EDEM3: variants seen among roughly 807,000 people sequenced by gnomAD.
EDEM3 encodes the protein ER degradation enhancing alpha-mannosidase like protein 3.
In EDEM3, 60 loss-of-function variants were observed where a neutral mutation model predicts 110.2. The ratio of observed to expected loss-of-function variants is 0.54; its 90% CI spans 0.44 to 0.67. The LOEUF is 0.67. EDEM3 is among the 30% of genes least tolerant of loss of function. EDEM3 has a pLI of 0.00. For missense variants in EDEM3, 996 were observed against 1,121.0 expected, an observed-to-expected ratio of 0.89 and a Z score of 1.59; for synonymous variants, 352 against 382.9, an observed-to-expected ratio of 0.92 and a Z score of 0.94.
chr1:184,740,188 G>A (rs1271539234), intron 2 of EDEM3, among the ~76,000 whole-genome samples: 1 of 152,022 alleles, frequency 6.6e-6, no homozygotes, highest in African/African-American at 2.4e-5. Flanking sequence ...ATATTTTGAG[G>A]TTAGAATCGT....
At chr1:184,722,223 G>T (rs1571383717) in intron 8 of EDEM3, among the ~76,000 whole-genome samples, 1 of 151,828 alleles carries the variant, frequency 6.6e-6, no homozygotes, top group African/African-American at 2.4e-5. Flanking sequence ...CATTTCTATT[G>T]TAAGACACAA....
At chr1:184,698,378 G>C (rs1195126710) in intron 19 of EDEM3, among the ~76,000 whole-genome samples, 6 of 151,742 alleles carry the variant, frequency 4.0e-5, no homozygotes, top group Admixed American at 3.9e-4. Context: ...GAAATAATTT[G>C]GACGCCTAAT....
intron 18 of EDEM3, among the ~76,000 whole-genome samples, chr1:184,704,948 T>C (rs1226320854): frequency 2.0e-5 from 3 of 151,878 alleles, no homozygotes. Flanking sequence ...CAGGCACCTG[T>C]AATCCCAGCT....
intron 19 of EDEM3, among the ~76,000 whole-genome samples, chr1:184,699,102 G>C (rs888209437): frequency 6.6e-6 from 1 of 151,714 alleles, no homozygotes; most frequent in Admixed American, 6.6e-5. Flanking sequence ...AAAATACAGA[G>C]AAACAAAATC....
chr1:184,711,426 T>C (rs995524650), intron 15 of EDEM3, among the ~76,000 whole-genome samples: 1 of 152,166 alleles, frequency 6.6e-6, no homozygotes, highest in Admixed American at 6.5e-5. Context: ...AACTATTCCA[T>C]GAAAAATGAG....
At chr1:184,712,742 G>A (rs911008728) in intron 13 of EDEM3, 144 bp from the exon 14 acceptor site, 10 of 547,784 alleles carry the variant, frequency 1.8e-5, no homozygotes, top group Admixed American at 4.1e-5. Flanking sequence ...AATCTACCAG[G>A]GGCAGAATAA....
chr1:184,697,373 A>G (rs1365579589), intron 19 of EDEM3, among the ~76,000 whole-genome samples: 2 of 151,898 alleles, frequency 1.3e-5, no homozygotes, highest in Admixed American at 1.3e-4. Flanking sequence ...ACCAGATACA[A>G]TTAATTTAAA....
intron 2 of EDEM3, among the ~76,000 whole-genome samples, chr1:184,746,366 T>C (rs1056123369): frequency 3.3e-5 from 5 of 152,234 alleles, no homozygotes; most frequent in African/African-American, 1.2e-4. Flanking sequence ...ATGTACTATC[T>C]GGAGAACAAG....
At chr1:184,748,787 A>G (rs2102137289) in intron 2 of EDEM3, among the ~76,000 whole-genome samples, 1 of 152,364 alleles carries the variant, frequency 6.6e-6, no homozygotes. Context: ...AAGCAGAACT[A>G]AAGCTAGTCC....
intron 19 of EDEM3, among the ~76,000 whole-genome samples, chr1:184,700,462 T>G (rs559603317): frequency 1.9e-4 from 29 of 152,140 alleles, no homozygotes; most frequent in African/African-American, 6.5e-4. Flanking sequence ...TGGTACAATA[T>G]GGCCTGATAC....
chr1:184,738,056 T>C (rs1651931336), intron 2 of EDEM3, among the ~76,000 whole-genome samples: 1 of 152,206 alleles, frequency 6.6e-6, no homozygotes, highest in African/African-American at 2.4e-5. Flanking sequence ...AAAATTTTAT[T>C]TATGAACAGG....
chr1:184,716,079 C>T (rs775902924), intron 13 of EDEM3, among the ~76,000 whole-genome samples: 9 of 152,142 alleles, frequency 5.9e-5, no homozygotes, highest in Non-Finnish European at 8.8e-5. Flanking sequence ...TATCACATCC[C>T]AACTTGTGCT....
chr1:184,696,722 T>G (rs1320613422), intron 19 of EDEM3, among the ~76,000 whole-genome samples: 1 of 152,016 alleles, frequency 6.6e-6, no homozygotes, highest in African/African-American at 2.4e-5. Flanking sequence ...GCTGGCTACT[T>G]ACAGCTTATT....
chr1:184,713,281 A>C (rs1329622854), intron 13 of EDEM3, among the ~76,000 whole-genome samples: 1 of 152,146 alleles, frequency 6.6e-6, no homozygotes, highest in Non-Finnish European at 1.5e-5. Context: ...AAAGAAAAAA[A>C]TAGTTACATG....
intron 1 of EDEM3, among the ~76,000 whole-genome samples, chr1:184,751,529 A>T (rs1309608520): frequency 6.6e-6 from 1 of 152,228 alleles, no homozygotes; most frequent in Non-Finnish European, 1.5e-5. Context: ...ATGATGAGCA[A>T]ATTTTAGAAC....
Position 184,726,269 on chromosome 1 carries a change from C to T in EDEM3, c.733G>A (p.Ala245Thr), listed in dbSNP as rs773596173. The change falls in exon 7 of 20, where the codon GCA becomes ACA. Residue 245 changes from alanine (A) to threonine (T), a missense_variant. This residue lies in a region of EDEM3 where 310 missense variants were observed against 394.6 expected (regional missense o/e 0.79). Coordinates refer to ENST00000318130, the MANE Select transcript of EDEM3 (RefSeq NM_025191.4). ...AAAAAGCAAACCTCAAATATTGTTG[C>T]TCCTGTGAATCGACTTAAAGCAGCA... Reference protein sequence around the residue: ...EFAALSRFTGATIFEEYARKA... With the variant: ...EFAALSRFTGTTIFEEYARKA... 3 of 1,613,374 alleles carry T rather than the reference C, an allele frequency of 1.9e-6. No individual in the cohort carries two copies. Among genetic ancestry groups the T allele is most frequent in the Middle Eastern group, 1.7e-4 (1 of 6,060 alleles).
chr1:184,710,962 C>G (rs932839622), intron 15 of EDEM3, among the ~76,000 whole-genome samples: 1 of 152,026 alleles, frequency 6.6e-6, no homozygotes, highest in Admixed American at 6.6e-5. Context: ...TTGCAATGGC[C>G]TAATATAACT....
chr1:184,719,254 C>A lies in EDEM3; in HGVS notation c.1078-9G>T. 1 of 1,545,782 alleles carries A rather than the reference C, an allele frequency of 6.5e-7. No individual in the cohort carries two copies. The stretch of plus-strand genomic sequence containing the variant: ...ATATCCCCCTTTAACACCTAGAAAT[C>A]AACAACAATAAAATTACCTAATAAA... On this transcript the variant is annotated splice_polypyrimidine_tract_variant and intron_variant, in intron 10 of 19. Transcript: ENST00000318130.
At chr1:184,709,143 G>A (rs1650090320) in intron 16 of EDEM3, among the ~76,000 whole-genome samples, 1 of 152,114 alleles carries the variant, frequency 6.6e-6, no homozygotes, top group Admixed American at 6.6e-5. Context: ...ATGATGATAG[G>A]TTTTACTGAC....
Sources: allele counts gnomAD v4.1 joint callset (sites outside exome capture counted in the v4.1 genomes callset), GRCh38; gene constraint gnomAD v4.1.1; regional missense constraint gnomAD v4.1.1; transcripts MANE v1.5; gene names NCBI Gene and HGNC (gene_info 2026-07-23, HGNC 2026-07-21).